FKBP6: variants seen among roughly 807,000 people sequenced by gnomAD.
The protein encoded by FKBP6 is inactive peptidyl-prolyl cis-trans isomerase FKBP6.
In FKBP6, 29 loss-of-function variants were observed where a neutral mutation model predicts 41.7. The ratio of observed to expected loss-of-function variants is 0.70; its 90% CI spans 0.52 to 0.95. The LOEUF (loss-of-function observed/expected upper bound fraction) is 0.95, where lower values mean the gene tolerates loss of function less well. Among genes scored for constraint, FKBP6 ranks in the 40% least tolerant of loss-of-function variants. The pLI is 0.00. For synonymous variants in FKBP6, 130 were observed against 165.1 expected (o/e 0.79, Z 1.63); for missense variants, 338 against 408.7 (o/e 0.83, Z 1.49).
intron 6 of FKBP6, 63 bp downstream of exon 6, chr7:73,340,895 T>A (rs1805159359): frequency 1.3e-5 from 11 of 819,000 alleles, no homozygotes; most frequent in Non-Finnish European, 2.1e-5. Flanking sequence ...AGTGCTCAAC[T>A]CAGCTACTGC....
intron 5 of FKBP6, among the ~76,000 whole-genome samples, chr7:73,333,465 C>T (rs1174777888): frequency 1.3e-5 from 2 of 152,134 alleles, no homozygotes; most frequent in African/African-American, 4.8e-5. Flanking sequence ...TTAGGGTGTC[C>T]CTGTAACAAG....
At chr7:73,329,562 T>C (rs1244796750) in intron 3 of FKBP6, 113 bp downstream of exon 3, 2 of 788,408 alleles carry the variant, frequency 2.5e-6, no homozygotes, top group Non-Finnish European at 4.6e-6. Context: ...TTGGCTTTGC[T>C]GAGGCTGGGT....
At chr7:73,347,520 C>A (rs1805364889) in intron 8 of FKBP6, among the ~76,000 whole-genome samples, 1 of 152,194 alleles carries the variant, frequency 6.6e-6, no homozygotes, top group African/African-American at 2.4e-5. Context: ...CTGTTGACTT[C>A]CTGCTATAAT....
At chr7:73,331,931 T>C (rs1804858217) in intron 5 of FKBP6, among the ~76,000 whole-genome samples, 155 bp downstream of exon 5, 1 of 152,110 alleles carries the variant, frequency 6.6e-6, no homozygotes, top group Non-Finnish European at 1.5e-5. Context: ...TGGCGCAATC[T>C]CAGCTCACTG....
intron 2 of FKBP6, 114 bp from the exon 3 acceptor site, chr7:73,329,246 G>A (rs536039854): frequency 3.9e-5 from 31 of 794,248 alleles, no homozygotes; most frequent in Admixed American, 1.4e-4. Context: ...TCGGGGTGTC[G>A]GGCAGCTTAA....
intron 5 of FKBP6, among the ~76,000 whole-genome samples, chr7:73,333,337 A>G (rs1394155654): frequency 6.6e-6 from 1 of 152,102 alleles, no homozygotes; most frequent in Admixed American, 6.6e-5. Context: ...ATATAGGCCA[A>G]ATGTTGCCGA....
intron 3 of FKBP6, chr7:73,329,836 T>C: frequency 3.8e-6 from 2 of 529,206 alleles, no homozygotes; most frequent in Non-Finnish European, 6.8e-6. Context: ...GCTCACTTGG[T>C]AGAATCGGAT....
At chr7:73,347,079 C>T (rs782446627) in intron 8 of FKBP6, among the ~76,000 whole-genome samples, 1 of 152,162 alleles carries the variant, frequency 6.6e-6, no homozygotes, top group Non-Finnish European at 1.5e-5. Flanking sequence ...ACCACCCACA[C>T]GGTCAGCTTA....
intron 8 of FKBP6, among the ~76,000 whole-genome samples, chr7:73,353,394 A>G (rs929357136): frequency 7.9e-5 from 12 of 152,204 alleles, no homozygotes; most frequent in Non-Finnish European, 1.3e-4. Flanking sequence ...GGGACTACAC[A>G]TCTTGCCAAT....
At chr7:73,346,924 CAG>C (rs1805348497) in intron 8 of FKBP6, among the ~76,000 whole-genome samples, 1 of 152,192 alleles carries the variant, frequency 6.6e-6, no homozygotes, top group East Asian at 1.9e-4. Flanking sequence ...CATCTGCTAA[CAG>C]AGGTGGGTGG....
In FKBP6 at chr7:73,328,208, G is replaced by A. The variant is rs1804693345; in HGVS notation, c.-221G>A. 9.7e-6 allele frequency: 15 copies of A among 1,548,768 alleles called. No individual in the cohort carries two copies. Among genetic ancestry groups the A allele is most frequent in the Non-Finnish European group, 7.0e-6 (8 of 1,146,512 alleles). On this transcript the variant is annotated 5_prime_UTR_variant, in exon 1 of 9. Transcript: ENST00000252037. ...TACGGATCATACCTCGCACCTCACC[G>A]CGTGGCCTCTGTAGTTCCAGAGCTC... is the stretch of plus-strand genomic sequence containing the variant.
chr7:73,347,279 T>C (rs1554550413), intron 8 of FKBP6, among the ~76,000 whole-genome samples: 2 of 152,226 alleles, frequency 1.3e-5, no homozygotes, highest in African/African-American at 4.8e-5. Context: ...ATATTTTTAA[T>C]GTAAGATCTG....
At chr7:73,340,468 C>T (rs1470852453) in intron 5 of FKBP6, among the ~76,000 whole-genome samples, 170 bp from the exon 6 acceptor site, 3 of 152,178 alleles carry the variant, frequency 2.0e-5, no homozygotes, top group Non-Finnish European at 2.9e-5. Flanking sequence ...AACAAGACTC[C>T]GTCTGAAAAA....
At chr7:73,333,554 C>G (rs1290436994) in intron 5 of FKBP6, among the ~76,000 whole-genome samples, 1 of 152,226 alleles carries the variant, frequency 6.6e-6, no homozygotes, top group Non-Finnish European at 1.5e-5. Context: ...GCACCAGACT[C>G]TTCTCCCCTC....
intron 8 of FKBP6, among the ~76,000 whole-genome samples, chr7:73,347,765 C>T (rs1283234046): frequency 1.3e-5 from 2 of 152,192 alleles, no homozygotes; most frequent in African/African-American, 2.4e-5. Context: ...CCTCCCCAGC[C>T]TCCTGAGCAG....
chr7:73,330,904 A>G (rs958754947), intron 4 of FKBP6, among the ~76,000 whole-genome samples: 1 of 151,976 alleles, frequency 6.6e-6, no homozygotes, highest in East Asian at 1.9e-4. Context: ...AGGGCTTCTG[A>G]CCCCGTCAGC....
At chr7:73,342,298 T>A (rs578145113) in intron 7 of FKBP6, among the ~76,000 whole-genome samples, 164 of 152,356 alleles carry the variant, frequency 1.1e-3, no homozygotes, top group African/African-American at 3.8e-3. Context: ...TCTTCTGTAA[T>A]GGTGAAATTC....
chr7:73,347,218 T>G (rs1312858365), intron 8 of FKBP6, among the ~76,000 whole-genome samples: 8 of 152,360 alleles, frequency 5.3e-5, no homozygotes, highest in South Asian at 2.1e-4. Flanking sequence ...GTCAAAATTT[T>G]TATTCATATT....
chr7:73,341,376 T>G lies in FKBP6; in HGVS notation c.887T>G (p.Leu296Arg). Residue 296 changes from leucine (L) to arginine (R), a missense_variant, in exon 7 of 9, where the codon CTG (leucine) becomes CGG (arginine). This residue lies in a region of FKBP6 where 239 missense variants were observed against 250.1 expected (regional missense o/e 0.96). Coordinates refer to ENST00000252037, the MANE Select transcript of FKBP6 (RefSeq NM_003602.5). ...NHDINNELKK[L>R]ASCYRDYVDK... ...GACATCAATAATGAGCTGAAGAAAC[T>G]GGCTAGGTGAGCTGTGTTTGCAGGA... is the stretch of plus-strand genomic sequence containing the variant. The G allele has an allele frequency of 6.3e-7, 1 of 1,591,110 alleles. No homozygotes were observed. Among genetic ancestry groups the G allele is most frequent in the Non-Finnish European group, 8.6e-7 (1 of 1,159,130 alleles).
Sources: allele counts gnomAD v4.1 joint callset (sites outside exome capture counted in the v4.1 genomes callset), GRCh38; gene constraint gnomAD v4.1.1; regional missense constraint gnomAD v4.1.1; transcripts MANE v1.5; gene names NCBI Gene and HGNC (gene_info 2026-07-23, HGNC 2026-07-21).